Variants in MYH9 observed in about 807,000 individuals in gnomAD.
MYH9 encodes myosin heavy chain 9, also known as myosin-9.
A neutral mutation model predicts 241.9 loss-of-function variants in MYH9; 29 were observed. That is an observed-to-expected ratio of 0.12 (90% CI 0.09 to 0.16). The LOEUF (loss-of-function observed/expected upper bound fraction) is 0.16. MYH9 is among the 10% of genes least tolerant of loss of function. The probability of loss-of-function intolerance (pLI) is 1.00; values close to 1 mark genes in which losing one functional copy is unlikely to be tolerated. For missense variants in MYH9, 1,803 were observed against 2,595.5 expected (o/e 0.69, Z 6.63); for synonymous variants, 1,047 against 1,062.6 (o/e 0.99, Z 0.29).
chr22:36,284,205 C>T lies in MYH9; in HGVS notation c.5653G>A (p.Glu1885Lys). 1 of 1,613,336 alleles carries T rather than the reference C, an allele frequency of 6.2e-7. No homozygotes were observed. The highest frequency in any genetic ancestry group is 8.5e-7 in the Non-Finnish European group (1 of 1,179,768). The change falls in exon 40 of 41, where the codon GAG becomes AAG. Residue 1885 changes from glutamate (E) to lysine (K), a missense_variant. Physicochemically the swap from Glu to Lys is moderately conservative, Grantham distance 56. Coordinates refer to ENST00000216181, the MANE Select transcript of MYH9 (RefSeq NM_002473.6). Reference protein sequence around the residue: ...LKRQLEEAEEEAQRANASRRK... With the variant: ...LKRQLEEAEEKAQRANASRRK... Reference sequence around the variant, plus strand: ...CGGGAGGCGTTGGCCCGCTGGGCCTCCTCTTCGGCCTCCTCCAGCTGCCGC... The same window carrying T: ...CGGGAGGCGTTGGCCCGCTGGGCCTTCTCTTCGGCCTCCTCCAGCTGCCGC...
Position 36,305,857 on chromosome 22 carries a change from C to T in MYH9, c.2159+73G>A. The T allele has an allele frequency of 6.2e-7, 1 of 1,604,650 alleles. No individual in the cohort carries two copies. Among genetic ancestry groups the T allele is most frequent in the Non-Finnish European group, 8.5e-7 (1 of 1,175,292 alleles). ...CTCACGACAGGATCCTGCCAGGGAG[C>T]AGCAGCCCACCTCTGGGACTCACTG... On this transcript the variant is annotated intron_variant, in intron 17 of 40. Coordinates refer to ENST00000216181, the MANE Select transcript of MYH9 (RefSeq NM_002473.6). The surrounding 1 kb of genome is among the most constrained non-coding windows in gnomAD (Gnocchi z 4.7).
intron 20 of MYH9, chr22:36,302,344 G>A (rs2016892068): frequency 2.1e-6 from 1 of 486,280 alleles, no homozygotes; most frequent in Admixed American, 3.2e-5. Context: ...GTGAGACCTT[G>A]TCTCTACTAA....
intron 1 of MYH9, among the ~76,000 whole-genome samples, chr22:36,356,525 G>C (rs1026771649): frequency 5.1e-5 from 7 of 138,570 alleles, no homozygotes; most frequent in Non-Finnish European, 9.1e-5. Context: ...AGGTTGCAGT[G>C]AGCTGAGATG....
intron 1 of MYH9, among the ~76,000 whole-genome samples, chr22:36,358,317 G>A (rs1245194009): frequency 6.6e-6 from 1 of 152,108 alleles, no homozygotes; most frequent in African/African-American, 2.4e-5. Context: ...CGCCCGCCTT[G>A]GCCTCCCAAA....
chr22:36,286,540 C>T (rs904553645), intron 35 of MYH9, among the ~76,000 whole-genome samples, 178 bp downstream of exon 35: 1 of 152,198 alleles, frequency 6.6e-6, no homozygotes, highest in Non-Finnish European at 1.5e-5. Flanking sequence ...TCTGATCATA[C>T]GAGGGAGCCC....
chr22:36,318,607 C>T (rs12167182), intron 10 of MYH9, among the ~76,000 whole-genome samples: 34 of 152,274 alleles, frequency 2.2e-4, no homozygotes, highest in South Asian at 1.2e-3. Context: ...GAGAGGAAGG[C>T]GTCCTGGCTG....
At chr22:36,373,313 G>A (rs1438541920) in intron 1 of MYH9, among the ~76,000 whole-genome samples, 2 of 152,092 alleles carry the variant, frequency 1.3e-5, no homozygotes, top group South Asian at 2.1e-4. Context: ...GAAGGGCCGG[G>A]GGCTATTTCC....
At chr22:36,377,842 C>T (rs145852941) in intron 1 of MYH9, among the ~76,000 whole-genome samples, 8,621 of 151,972 alleles carry the variant, frequency 0.057, 651 homozygotes, top group African/African-American at 0.16. Flanking sequence ...ACCCGAGAGG[C>T]GGAGCTTGCA....
At chr22:36,299,078 G>T (rs975359576) in intron 23 of MYH9, 36 bp from the exon 24 acceptor site, 9 of 1,613,090 alleles carry the variant, frequency 5.6e-6, no homozygotes, top group Non-Finnish European at 6.8e-6. Flanking sequence ...TTTAGTGTTG[G>T]TTGAGCACAG....
In MYH9 at chr22:36,294,276, G is replaced by A. The variant is rs373722926; in HGVS notation, c.3653C>T (p.Ala1218Val). The A allele has an allele frequency of 5.6e-6, 9 of 1,613,854 alleles. No individual in the cohort carries two copies. In the African/African-American group the frequency reaches 1.2e-4, roughly 22 times the overall value. ...TKRVKANLEK[A>V]KQTLENERGE... ...CCGCTCGTTCTCCAGAGTCTGCTTTGCCTTCTCGAGGTTTGCTTTCACCTA... is the reference window on the plus strand; with the variant it reads ...CCGCTCGTTCTCCAGAGTCTGCTTTACCTTCTCGAGGTTTGCTTTCACCTA... The change falls in exon 28 of 41, where the codon GCA becomes GTA. Residue 1218 changes from alanine (A) to valine (V), a missense_variant. Transcript: ENST00000216181.
Position 36,292,076 on chromosome 22 carries a change from C to T in MYH9, c.4254G>A (p.Leu1418=), listed in dbSNP as rs1462243615. Residue 1418 remains leucine, a synonymous_variant, in exon 31 of 41, where the codon CTG becomes CTA. Transcript: ENST00000216181. ...CCAGCAGGTCGTCCAGCTCCTGCTGCAGCCGCGTCTTGGTCTTCTCCAGCT... is the reference window on the plus strand; with the variant it reads ...CCAGCAGGTCGTCCAGCTCCTGCTGTAGCCGCGTCTTGGTCTTCTCCAGCT... The part of the protein sequence containing the change: ...YDKLEKTKTR[L]QQELDDLLVD... 1.9e-6 allele frequency: 3 copies of T among 1,614,058 alleles called. No individual in the cohort carries two copies. Among genetic ancestry groups the T allele is most frequent in the East Asian group, 2.2e-5 (1 of 44,896 alleles).
chr22:36,348,836 GACCC>G, intron 2 of MYH9, 64 bp downstream of exon 2: 1 of 859,326 alleles, frequency 1.2e-6, no homozygotes, highest in Non-Finnish European at 1.7e-6. Context: ...GTGATGGGAA[GACCC>G]GCCCCCCCCC....
Position 36,320,919 on chromosome 22 carries a change from C to G in MYH9, c.770-23G>C. On this transcript the variant is annotated intron_variant, in intron 7 of 40. Coordinates refer to ENST00000216181, the MANE Select transcript of MYH9 (RefSeq NM_002473.6). This position sits in a 1 kb window ranked among gnomAD's most constrained non-coding sequence, Gnocchi z 4.8. ...GATCTTTGCAAATATTAAGGAGCAA[C>G]ACAAGCTGGGGAGAAGGCAAGCCCT... 6.2e-7 allele frequency: 1 copy of G among 1,600,214 alleles called. No individual in the cohort carries two copies. Among genetic ancestry groups the G allele is most frequent in the Non-Finnish European group, 8.6e-7 (1 of 1,168,684 alleles).
Position 36,326,561 on chromosome 22 carries a change from C to T in MYH9, c.612+7G>A. On this transcript the variant is annotated splice_region_variant and intron_variant, in intron 5 of 40. Coordinates refer to ENST00000216181, the MANE Select transcript of MYH9 (RefSeq NM_002473.6). ...GCGGCCACAGGGACAAGGGCTGCAGCACTCACCTGGTCCTTCTTGCTCTTG... is the reference window on the plus strand; with the variant it reads ...GCGGCCACAGGGACAAGGGCTGCAGTACTCACCTGGTCCTTCTTGCTCTTG... 1 of 1,613,648 alleles carries T rather than the reference C, an allele frequency of 6.2e-7. No homozygotes were observed.
intron 31 of MYH9, among the ~76,000 whole-genome samples, chr22:36,290,798 C>T (rs1432075976): frequency 1.1e-4 from 17 of 151,694 alleles, no homozygotes; most frequent in African/African-American, 3.4e-4. Flanking sequence ...TCTGCCCCGC[C>T]GCCCCGTCTG....
In MYH9 at chr22:36,296,054, G is replaced by A. The variant is rs193280650; in HGVS notation, c.3273-337C>T. ...GACAACTGCAACTCAGTAAAAATAC[G>A]AATGTGCTACGGACTTTAGATGGTT... On this transcript the variant is annotated intron_variant, in intron 25 of 40. Transcript: ENST00000216181. 1.3e-4 allele frequency among the ~76,000 whole-genome samples: 20 copies of A among 152,286 alleles called. No individual in the cohort carries two copies. The East Asian group carries it at 3.3e-3, about 25-fold the overall frequency.
At chr22:36,372,801 C>G (rs2018108535) in intron 1 of MYH9, among the ~76,000 whole-genome samples, 1 of 152,146 alleles carries the variant, frequency 6.6e-6, no homozygotes, top group Admixed American at 6.5e-5. Flanking sequence ...TGGAAACTTT[C>G]CCATAAGCAA....
intron 31 of MYH9, among the ~76,000 whole-genome samples, chr22:36,290,732 A>G (rs1603482845): frequency 1.4e-5 from 2 of 144,676 alleles, no homozygotes; most frequent in Middle Eastern, 4.0e-3. Flanking sequence ...CATCACATCT[A>G]GGAAGTGAGG....
chr22:36,292,011 T>C lies in MYH9; in HGVS notation c.4319A>G (p.Glu1440Gly). 1 of 1,614,234 alleles carries C rather than the reference T, an allele frequency of 6.2e-7. No homozygotes were observed. Among genetic ancestry groups the C allele is most frequent in the Non-Finnish European group, 8.5e-7 (1 of 1,180,036 alleles). The part of the protein sequence containing the change: ...DHQRQSACNL[E>G]KKQKKFDQLL... ...CTGGTCAAACTTCTTCTGCTTCTTCTCCAGGTTGCACGCGCTCTGGCGCTG... is the reference window on the plus strand; with the variant it reads ...CTGGTCAAACTTCTTCTGCTTCTTCCCCAGGTTGCACGCGCTCTGGCGCTG... The change falls in exon 31 of 41, where the codon GAG becomes GGG. Residue 1440 changes from glutamate to glycine, a missense_variant. By Grantham distance (98) the Glu-to-Gly change is moderately conservative. This residue lies in a region of MYH9 where 876 missense variants were observed against 1,077.8 expected (regional missense o/e 0.81). Coordinates refer to ENST00000216181, the MANE Select transcript of MYH9 (RefSeq NM_002473.6).
Sources: gnomAD v4.1 joint callset for allele counts (sites outside exome capture counted in the v4.1 genomes callset) on GRCh38, gnomAD v4.1.1 for gene constraint, gnomAD v4.1.1 regional missense constraint, Gnocchi (gnomAD v3.1) non-coding constraint, MANE v1.5 for transcripts, NCBI Gene and HGNC (gene_info 2026-07-23, HGNC 2026-07-21) for gene names.